PIGG: variants seen among roughly 807,000 people sequenced by gnomAD.
PIGG encodes phosphatidylinositol glycan anchor biosynthesis class G (EMM blood group).
In PIGG, 70 loss-of-function variants were observed where a neutral mutation model predicts 83.2. That is an observed-to-expected ratio of 0.84 (90% CI 0.69 to 1.03). PIGG has a LOEUF of 1.03. Among genes scored for constraint, PIGG ranks in the 50% least tolerant of loss-of-function variants. The pLI is 0.00. For synonymous variants in PIGG, 532 were observed against 519.5 expected, an observed-to-expected ratio of 1.02 and a Z score of -0.33; for missense variants, 1,257 against 1,233.6, an observed-to-expected ratio of 1.02 and a Z score of -0.28.
intron 9 of PIGG, chr4:525,084 C>A: frequency 1.8e-6 from 1 of 564,964 alleles, no homozygotes; most frequent in Non-Finnish European, 2.2e-6. Context: ...CCAGGCAAGG[C>A]AGGCGCAGCC....
At chr4:506,262 G>C (rs1276748485) in intron 3 of PIGG, among the ~76,000 whole-genome samples, 1 of 152,184 alleles carries the variant, frequency 6.6e-6, no homozygotes, top group Non-Finnish European at 1.5e-5. Context: ...CAGGTGGGCA[G>C]AACAGGCTGG....
chr4:538,572 G>C (rs573916882), intron 12 of PIGG, among the ~76,000 whole-genome samples: 1 of 152,306 alleles, frequency 6.6e-6, no homozygotes, highest in South Asian at 2.1e-4. Flanking sequence ...AGTCTGGGGG[G>C]TGCGTTTTTC....
At position 530,601 on chromosome 4, in the gene PIGG, T is replaced by G; in HGVS notation, c.2427T>G (p.Phe809Leu). The change falls in exon 11 of 13, where the codon TTT (phenylalanine) becomes TTG (leucine). Residue 809 changes from phenylalanine (F) to leucine (L), a missense_variant. Phe to Leu is a conservative substitution (Grantham distance 22). Transcript: ENST00000453061. ...TAGTTCTTCTGGCAGCCTTGCTCTTTAGACCACATAATCTTCCGGTCTTAG... is the reference window on the plus strand; with the variant it reads ...TAGTTCTTCTGGCAGCCTTGCTCTTGAGACCACATAATCTTCCGGTCTTAG... ...SGLVLLAALL[F>L]RPHNLPVLAF... 1.2e-6 allele frequency: 2 copies of G among 1,613,956 alleles called. No individual in the cohort carries two copies. The highest frequency in any genetic ancestry group is 1.7e-6 in the Non-Finnish European group (2 of 1,179,856).
intron 9 of PIGG, chr4:524,549 C>T (rs193203121): frequency 6.6e-6 from 1 of 152,388 alleles, no homozygotes; most frequent in African/African-American, 2.4e-5. Flanking sequence ...CATCAGCTCT[C>T]TTGTGAACAG....
chr4:517,976 A>ATAC (rs1407072295), intron 6 of PIGG, among the ~76,000 whole-genome samples: 2 of 152,216 alleles, frequency 1.3e-5, no homozygotes, highest in Non-Finnish European at 2.9e-5. Flanking sequence ...AAGTAGAGGG[A>ATAC]TACTATTACT....
At chr4:538,040 C>T (rs868805262) in intron 12 of PIGG, among the ~76,000 whole-genome samples, 1 of 150,594 alleles carries the variant, frequency 6.6e-6, no homozygotes, top group South Asian at 2.1e-4. Flanking sequence ...CTTTACAGGA[C>T]ATGCAGCGGG....
At chr4:500,277 G>T (rs1477156028) in intron 1 of PIGG, 119 bp from the exon 2 acceptor site, 8 of 733,090 alleles carry the variant, frequency 1.1e-5, no homozygotes, top group Non-Finnish European at 1.8e-5. Flanking sequence ...TTTTGGGTTG[G>T]GTTATGTAGA....
chr4:515,621 C>T lies in PIGG; in HGVS notation c.902-352C>T, dbSNP rs1051166114. Among the ~76,000 whole-genome samples, 1 of 152,236 alleles carries T rather than the reference C, an allele frequency of 6.6e-6. No individual in the cohort carries two copies. Among genetic ancestry groups the T allele is most frequent in the Non-Finnish European group, 1.5e-5 (1 of 68,040 alleles). On this transcript the variant is annotated intron_variant, in intron 5 of 12. Coordinates refer to ENST00000453061, the MANE Select transcript of PIGG (RefSeq NM_001127178.3). The surrounding 1 kb of genome is among the most constrained non-coding windows in gnomAD (Gnocchi z 4.2). ...GCGATCCCAGCCTCACTTCATTCTC[C>T]GGTTGGCTGTTGACCTTGCCAAAGT...
In PIGG at chr4:499,342, C is replaced by T. The variant is rs1289353677; in HGVS notation, c.7C>T (p.Leu3=). MR[L]GSGTFATCCV... ...CCAGCCTAGCGTGTCCACGATGCGGCTGGGCTCCGGGACTTTCGCTACCTG... is the reference window on the plus strand; with the variant it reads ...CCAGCCTAGCGTGTCCACGATGCGGTTGGGCTCCGGGACTTTCGCTACCTG... The change falls in exon 1 of 13, where the codon CTG becomes TTG. Residue 3 remains leucine (L), a synonymous_variant. Coordinates refer to ENST00000453061, the MANE Select transcript of PIGG (RefSeq NM_001127178.3). 1.2e-6 allele frequency: 2 copies of T among 1,608,110 alleles called. No individual in the cohort carries two copies. The highest frequency in any genetic ancestry group is 2.7e-5 in the African/African-American group (2 of 75,070).
At position 528,554 on chromosome 4, in the gene PIGG, G is replaced by A. The variant is rs1728278370; in HGVS notation, c.2261+1324G>A. 1.0e-6 allele frequency: 1 copy of A among 985,414 alleles called. No individual in the cohort carries two copies. Among genetic ancestry groups the A allele is most frequent in the Non-Finnish European group, 1.2e-6 (1 of 829,920 alleles). The allele number at this position is 985,414 out of a possible 1,614,324, so 61.0% of individuals were successfully genotyped here. ...TAGCAGGCCGTCATACGGGGCCGGG[G>A]CCTGGGGCAGAGAGGATGCTGACGT... On this transcript the variant is annotated intron_variant, in intron 10 of 12. Transcript: ENST00000453061. This position sits in a 1 kb window ranked among gnomAD's most constrained non-coding sequence, Gnocchi z 4.8.
At chr4:523,094 G>C (rs1039430890) in intron 8 of PIGG, among the ~76,000 whole-genome samples, 1 of 152,118 alleles carries the variant, frequency 6.6e-6, no homozygotes, top group African/African-American at 2.4e-5. Flanking sequence ...TGGAGGGCCG[G>C]GTCCAGGAGC....
Position 539,277 on chromosome 4 carries a change from A to G in PIGG, c.2860A>G (p.Lys954Glu), listed in dbSNP as rs1311138741. ...HLFIWSVFSPKLLYEGMHLLI... is the reference protein window; with the variant it reads ...HLFIWSVFSPELLYEGMHLLI... ...ATTTATATGGAGTGTATTTTCTCCA[A>G]AACTTCTCTACGAGGGAATGCACCT... is the stretch of plus-strand genomic sequence containing the variant. The change falls in exon 13 of 13, where the codon AAA becomes GAA. Residue 954 changes from lysine to glutamate, a missense_variant. Coordinates refer to ENST00000453061, the MANE Select transcript of PIGG (RefSeq NM_001127178.3). The G allele has an allele frequency of 6.2e-7, 1 of 1,613,596 alleles. No homozygotes were observed. Among genetic ancestry groups the G allele is most frequent in the Non-Finnish European group, 8.5e-7 (1 of 1,179,480 alleles).
Position 508,481 on chromosome 4 carries a change from A to AT in PIGG, c.760-346dup, listed in dbSNP as rs1720678007. On this transcript the variant is annotated intron_variant, in intron 4 of 12. Coordinates refer to ENST00000453061, the MANE Select transcript of PIGG (RefSeq NM_001127178.3). ...TGTTCTCACCAGAGTCCTGTGAAAG[A>AT]TTCCATTTGACAGATGAGGCGACCA... is the stretch of plus-strand genomic sequence containing the variant. Among the ~76,000 whole-genome samples, 3 of 152,206 alleles carry AT rather than the reference A, an allele frequency of 2.0e-5. No individual in the cohort carries two copies. The South Asian group carries it at 6.2e-4, about 32-fold the overall frequency.
chr4:539,646 A>C lies in PIGG; in HGVS notation c.*277A>C. On this transcript the variant is annotated 3_prime_UTR_variant, in exon 13 of 13. Transcript: ENST00000453061. Reference sequence around the variant, plus strand: ...ATGTGTGTTTAAATCAATGAATGAAAAGGTTCTGGACTTTGTTAGAGTCCA... The same window carrying C: ...ATGTGTGTTTAAATCAATGAATGAACAGGTTCTGGACTTTGTTAGAGTCCA... 1 of 332,452 alleles carries C rather than the reference A, an allele frequency of 3.0e-6. No homozygotes were observed. The highest frequency in any genetic ancestry group is 5.6e-6 in the Non-Finnish European group (1 of 179,830). The allele number at this position is 332,452 out of a possible 1,614,324, so 20.6% of individuals were successfully genotyped here.
chr4:523,910 C>A lies in PIGG; in HGVS notation c.2066C>A (p.Thr689Asn). The A allele has an allele frequency of 6.6e-7, 1 of 1,520,142 alleles. No homozygotes were observed. Among genetic ancestry groups the A allele is most frequent in the South Asian group, 1.2e-5 (1 of 81,344 alleles). 94.2% of individuals were successfully genotyped at this position (1,520,142 alleles called of 1,614,324 possible). A position where few individuals can be genotyped will look rare whatever the true frequency, so the allele number is the denominator to read the frequency against. ...CGGCCTGACCTCGGCCACTGGCTCA[C>A]CAGGTGAGAGCGTAGGCCCGTGGCC... ...AHRPDLGHWLTSSDHKAELSV... is the reference protein window; with the variant it reads ...AHRPDLGHWLNSSDHKAELSV... Residue 689 changes from threonine (T) to asparagine (N), a missense_variant, in exon 9 of 13, where the codon ACC (threonine) becomes AAC (asparagine). By Grantham distance (65) the Thr-to-Asn change is moderately conservative. Transcript: ENST00000453061.
Position 530,189 on chromosome 4 carries a change from C to G in PIGG, c.2262-247C>G, listed in dbSNP as rs192854161. Among the ~76,000 whole-genome samples, 785 of 152,176 alleles carry G rather than the reference C, an allele frequency of 5.2e-3. 12 individuals are homozygous for G. The highest frequency in any genetic ancestry group is 0.018 in the African/African-American group (757 of 41,494). ...AAGATCTCCCCGAAGCCAGCCCCAG[C>G]GGAAGAGTCTGCACGAGGACACACC... On this transcript the variant is annotated intron_variant, in intron 10 of 12. Transcript: ENST00000453061.
At chr4:518,818 A>G (rs774915441) in intron 6 of PIGG, among the ~76,000 whole-genome samples, 2 of 151,940 alleles carry the variant, frequency 1.3e-5, no homozygotes, top group East Asian at 1.9e-4. Flanking sequence ...CCTTTTTCCT[A>G]AAACAAAATG....
chr4:527,705 A>G (rs771555291), intron 10 of PIGG: 35 of 985,146 alleles, frequency 3.6e-5, no homozygotes, highest in Non-Finnish European at 4.2e-5. Flanking sequence ...ATTTATAACG[A>G]GCCCCCGTAA....
intron 3 of PIGG, chr4:506,722 T>C (rs540368906): frequency 2.2e-6 from 1 of 455,372 alleles, no homozygotes; most frequent in African/African-American, 2.0e-5. Context: ...TGGGGGCTGA[T>C]CAACTGCTCA....
Sources: gnomAD v4.1 joint callset for allele counts (sites outside exome capture counted in the v4.1 genomes callset) on GRCh38, gnomAD v4.1.1 for gene constraint, Gnocchi (gnomAD v3.1) non-coding constraint, MANE v1.5 for transcripts, NCBI Gene and HGNC (gene_info 2026-07-23, HGNC 2026-07-21) for gene names.